The following JAKMIP3 variants were observed in gnomAD, a reference collection of about 807,000 sequenced individuals.
JAKMIP3 encodes the protein janus kinase and microtubule-interacting protein 3.
JAKMIP3 carries 58 observed loss-of-function variants against 118.5 expected under a neutral mutation model. The ratio of observed to expected loss-of-function variants is 0.49; its 90% CI spans 0.40 to 0.61. The LOEUF (loss-of-function observed/expected upper bound fraction) is 0.61, where lower values mean the gene tolerates loss of function less well. Ranked by LOEUF, JAKMIP3 falls within the 20% of genes least tolerant of loss-of-function variation. JAKMIP3 has a pLI of 0.00. For missense variants in JAKMIP3, 950 were observed against 1,109.0 expected, an observed-to-expected ratio of 0.86 and a Z score of 2.04; for synonymous variants, 486 against 451.2, an observed-to-expected ratio of 1.08 and a Z score of -0.98.
chr10:132,168,347 C>T lies in JAKMIP3; in HGVS notation c.*417C>T, dbSNP rs1057479586. 1.2e-5 allele frequency: 16 copies of T among 1,289,466 alleles called. No individual in the cohort carries two copies. The highest frequency in any genetic ancestry group is 5.5e-5 in the East Asian group (1 of 18,028). The allele number at this position is 1,289,466 out of a possible 1,614,324, so 79.9% of individuals were successfully genotyped here. On this transcript the variant is annotated 3_prime_UTR_variant, in exon 23 of 24. Coordinates refer to ENST00000684848, the MANE Select transcript of JAKMIP3 (RefSeq NM_001323087.2). The stretch of plus-strand genomic sequence containing the variant: ...CTCTTGGTTCTCACAGTAGCTGCCA[C>T]TGGTGTCTGGAGGAAGATTTTCAGA...
At chr10:132,039,129 C>G (rs1174312223) in intron 1 of JAKMIP3, among the ~76,000 whole-genome samples, 1 of 152,216 alleles carries the variant, frequency 6.6e-6, no homozygotes, top group African/African-American at 2.4e-5. Context: ...GCATTCGAAC[C>G]TCTGTCTCAT....
intron 2 of JAKMIP3, among the ~76,000 whole-genome samples, chr10:132,105,328 T>C (rs1321234962): frequency 2.6e-5 from 4 of 152,230 alleles, no homozygotes; most frequent in African/African-American, 9.6e-5. Context: ...TGGGCAGGTA[T>C]GGCTCTCACA....
chr10:132,158,672 T>A (rs2932948), intron 19 of JAKMIP3, among the ~76,000 whole-genome samples: 12 of 148,382 alleles, frequency 8.1e-5, no homozygotes, highest in South Asian at 2.2e-4. Flanking sequence ...TCTTCCTGTG[T>A]GATGCTGTGG....
chr10:132,086,160 G>A (rs1244026607), intron 1 of JAKMIP3, among the ~76,000 whole-genome samples: 1 of 152,090 alleles, frequency 6.6e-6, no homozygotes, highest in Non-Finnish European at 1.5e-5. Flanking sequence ...CCATGTATTT[G>A]TGTGGTTTTG....
intron 3 of JAKMIP3, among the ~76,000 whole-genome samples, chr10:132,122,770 C>T (rs2135462807): frequency 6.6e-6 from 1 of 152,320 alleles, no homozygotes; most frequent in East Asian, 1.9e-4. Context: ...GGCTGCAAGG[C>T]TGCACTCAGG....
intron 1 of JAKMIP3, among the ~76,000 whole-genome samples, chr10:132,095,413 G>C (rs1293868359): frequency 6.6e-6 from 1 of 152,116 alleles, no homozygotes; most frequent in Non-Finnish European, 1.5e-5. Context: ...TGCTTCCTCC[G>C]CCCCTGTATT....
At chr10:132,046,169 C>T (rs539783903) in intron 1 of JAKMIP3, among the ~76,000 whole-genome samples, 1 of 152,056 alleles carries the variant, frequency 6.6e-6, no homozygotes, top group Non-Finnish European at 1.5e-5. Context: ...TAAAGCCGTC[C>T]AGGGGCCAGG....
At chr10:132,058,994 C>G (rs2038321495) in intron 1 of JAKMIP3, among the ~76,000 whole-genome samples, 1 of 152,228 alleles carries the variant, frequency 6.6e-6, no homozygotes, top group African/African-American at 2.4e-5. Flanking sequence ...AGGACTGTCC[C>G]AGGGCCACAA....
chr10:132,100,807 TCCCCA>T (rs2044754810), intron 1 of JAKMIP3, among the ~76,000 whole-genome samples: 1 of 125,302 alleles, frequency 8.0e-6, no homozygotes, highest in South Asian at 2.8e-4. Flanking sequence ...CCGGCCGCGC[TCCCCA>T]TTCTCTCTGC....
chr10:132,110,785 T>C (rs2046739533), intron 2 of JAKMIP3, among the ~76,000 whole-genome samples: 1 of 152,090 alleles, frequency 6.6e-6, no homozygotes, highest in Non-Finnish European at 1.5e-5. Flanking sequence ...CCGTTCCCAG[T>C]GAAGAAGGGG....
chr10:132,141,750 G>A (rs1314254505), intron 10 of JAKMIP3, among the ~76,000 whole-genome samples, 170 bp from the exon 11 acceptor site: 2 of 152,142 alleles, frequency 1.3e-5, no homozygotes, highest in South Asian at 2.1e-4. Flanking sequence ...CCAGGCAGCC[G>A]CCCCTCCCTG....
intron 1 of JAKMIP3, among the ~76,000 whole-genome samples, chr10:132,047,887 C>A (rs1017665227): frequency 6.6e-5 from 10 of 151,726 alleles, no homozygotes; most frequent in Non-Finnish European, 2.9e-5. Flanking sequence ...CCCCGCCCCC[C>A]GCGAGCTGAC....
rs780514832 is a variant in JAKMIP3, at chr10:132,163,418, T to C, written c.2424+6T>C. 19 of 1,592,620 alleles carry C rather than the reference T, an allele frequency of 1.2e-5. No individual in the cohort carries two copies. The East Asian group carries it at 4.0e-4, about 34-fold the overall frequency. ...TGCTGCAGCTGGCTCAGCAGGTGTGTGGCAGGCGGGGGCAGGGCTGGCGTG... is the reference window on the plus strand; with the variant it reads ...TGCTGCAGCTGGCTCAGCAGGTGTGCGGCAGGCGGGGGCAGGGCTGGCGTG... On this transcript the variant is annotated splice_donor_region_variant and intron_variant, in intron 20 of 23. Transcript: ENST00000684848.
In JAKMIP3 at chr10:132,163,419, G is replaced by A. The variant is rs1451906860; in HGVS notation, c.2424+7G>A. The A allele has an allele frequency of 6.3e-7, 1 of 1,586,340 alleles. No homozygotes were observed. The highest frequency in any genetic ancestry group is 8.5e-7 in the Non-Finnish European group (1 of 1,173,530). On this transcript the variant is annotated splice_region_variant and intron_variant, in intron 20 of 23. Transcript: ENST00000684848. ...GCTGCAGCTGGCTCAGCAGGTGTGTGGCAGGCGGGGGCAGGGCTGGCGTGA... is the reference window on the plus strand; with the variant it reads ...GCTGCAGCTGGCTCAGCAGGTGTGTAGCAGGCGGGGGCAGGGCTGGCGTGA...
intron 23 of JAKMIP3, among the ~76,000 whole-genome samples, chr10:132,170,729 T>A (rs1590029334): frequency 6.6e-6 from 1 of 152,138 alleles, no homozygotes; most frequent in African/African-American, 2.4e-5. Context: ...GCAGACTGTG[T>A]CTCAGGCCTG....
chr10:132,180,438 G>C (rs1219942858), intron 23 of JAKMIP3, among the ~76,000 whole-genome samples: 1 of 138,156 alleles, frequency 7.2e-6, no homozygotes, highest in East Asian at 2.6e-4. Context: ...TGGGTGGGAG[G>C]GAGAAGATCA....
chr10:132,062,798 G>C (rs543359672), upstream of JAKMIP3, among the ~76,000 whole-genome samples: 1 of 152,356 alleles, frequency 6.6e-6, no homozygotes, highest in African/African-American at 2.4e-5. Context: ...AGGAGGAGGT[G>C]CCTTTGCATG....
intron 1 of JAKMIP3, among the ~76,000 whole-genome samples, chr10:132,075,484 A>G (rs1201261086): frequency 7.2e-6 from 1 of 138,184 alleles, no homozygotes; most frequent in East Asian, 2.1e-4. Context: ...ATCTTGGCTC[A>G]CTGCAAACTC....
Position 132,142,085 on chromosome 10 carries a change from C to T in JAKMIP3, c.1602+37C>T, listed in dbSNP as rs368835279. The T allele has an allele frequency of 1.3e-4, 204 of 1,564,754 alleles. 1 individual carries two copies. In the South Asian group the frequency reaches 1.3e-3, roughly 10 times the overall value. On this transcript the variant is annotated intron_variant, in intron 11 of 23. Coordinates refer to ENST00000684848, the MANE Select transcript of JAKMIP3 (RefSeq NM_001323087.2). ...TTCCACCGCGCGTTCCGGCCCCCCTCGTGCCTTCCCGCTTGACCCCGTGGC... is the reference window on the plus strand; with the variant it reads ...TTCCACCGCGCGTTCCGGCCCCCCTTGTGCCTTCCCGCTTGACCCCGTGGC...
Sources: allele counts gnomAD v4.1 joint callset (sites outside exome capture counted in the v4.1 genomes callset), GRCh38; gene constraint gnomAD v4.1.1; transcripts MANE v1.5; gene names NCBI Gene and HGNC (gene_info 2026-07-23, HGNC 2026-07-21).